The following NCAM1 variants were observed in gnomAD, a reference collection of about 807,000 sequenced individuals.
NCAM1 encodes neural cell adhesion molecule 1, also known as antigen recognized by monoclonal antibody 5.1H11.
NCAM1 carries 14 observed loss-of-function variants against 109.8 expected under a neutral mutation model. The observed-to-expected ratio is 0.13, with a 90% CI of 0.08 to 0.20. The LOEUF (loss-of-function observed/expected upper bound fraction) is 0.20. Ranked by LOEUF, NCAM1 falls within the 10% of genes least tolerant of loss-of-function variation. NCAM1 has a pLI of 1.00. For synonymous variants in NCAM1, 418 were observed against 442.9 expected (o/e 0.94, Z 0.70); for missense variants, 774 against 1,109.9 (o/e 0.70, Z 4.30).
intron 14 of NCAM1, chr11:113,243,814 C>G (rs1555119609): frequency 1.3e-5 from 3 of 238,628 alleles, no homozygotes; most frequent in Admixed American, 4.4e-5. Context: ...AACTCCAGCT[C>G]CCCGGGCCAA....
intron 1 of NCAM1, among the ~76,000 whole-genome samples, chr11:113,029,814 A>C (rs1555078040): frequency 1.3e-5 from 2 of 152,208 alleles, no homozygotes; most frequent in Admixed American, 1.3e-4. Context: ...AAAAAATTTA[A>C]ACTGAGCTGG....
intron 1 of NCAM1, among the ~76,000 whole-genome samples, chr11:112,986,379 G>T (rs1951304799): frequency 6.6e-6 from 1 of 151,812 alleles, no homozygotes. Flanking sequence ...TTCTTTTCTT[G>T]TAGTGTCCTT....
intron 14 of NCAM1, among the ~76,000 whole-genome samples, chr11:113,239,486 G>A: frequency 7.1e-6 from 1 of 141,018 alleles, no homozygotes; most frequent in Admixed American, 7.5e-5. Context: ...TAGAGATTAT[G>A]AATGAGTCTC....
Position 112,962,767 on chromosome 11 carries a change from C to T in NCAM1, c.52+1103C>T, listed in dbSNP as rs530994344. ...CCCTCCCCTCCAGCTGTCATCCCCC[C>T]ACCTCCACCCAAGGATTTGCGCTTT... is the stretch of plus-strand genomic sequence containing the variant. On this transcript the variant is annotated intron_variant, in intron 1 of 19. Coordinates refer to ENST00000316851, the MANE Select transcript of NCAM1 (RefSeq NM_181351.5). This position sits in a 1 kb window ranked among gnomAD's most constrained non-coding sequence, Gnocchi z 5.6. 2.0e-5 allele frequency among the ~76,000 whole-genome samples: 3 copies of T among 152,260 alleles called. No homozygotes were observed. Among genetic ancestry groups the T allele is most frequent in the African/African-American group, 7.2e-5 (3 of 41,552 alleles).
chr11:113,190,969 A>G (rs118074555), intron 1 of NCAM1, among the ~76,000 whole-genome samples: 4,847 of 152,338 alleles, frequency 0.032, 120 homozygotes, highest in Middle Eastern at 0.088. Flanking sequence ...CACACTCTGC[A>G]GGGAGTGGGG....
intron 1 of NCAM1, among the ~76,000 whole-genome samples, chr11:113,042,022 G>C (rs1953096878): frequency 6.6e-6 from 1 of 152,080 alleles, no homozygotes; most frequent in Admixed American, 6.5e-5. Context: ...TTCAGAAGCT[G>C]AACTTTGCCC....
intron 1 of NCAM1, among the ~76,000 whole-genome samples, chr11:113,191,773 G>A (rs199655744): frequency 6.8e-4 from 95 of 139,296 alleles, no homozygotes; most frequent in East Asian, 4.7e-3. Flanking sequence ...GTGTGTGTGT[G>A]TATATATATA....
At chr11:113,067,328 C>A (rs1169218259) in intron 1 of NCAM1, among the ~76,000 whole-genome samples, 1 of 152,158 alleles carries the variant, frequency 6.6e-6, no homozygotes, top group Non-Finnish European at 1.5e-5. Context: ...CAAGGTTTCA[C>A]TGGGGGAATG....
chr11:113,084,018 TACATC>T (rs1938969055), intron 1 of NCAM1, among the ~76,000 whole-genome samples: 1 of 152,118 alleles, frequency 6.6e-6, no homozygotes, highest in Non-Finnish European at 1.5e-5. Flanking sequence ...GTCAAGGAAA[TACATC>T]TTCCTAGGAA....
At chr11:113,252,799 C>CTTTT (rs33948720) in intron 15 of NCAM1, among the ~76,000 whole-genome samples, 2,684 of 39,718 alleles carry the variant, frequency 0.068, 745 homozygotes, top group Middle Eastern at 0.2. Context: ...CTATGCCCAG[C>CTTTT]TTTTTTTTTT....
chr11:113,237,949 G>T (rs369739689), intron 14 of NCAM1, among the ~76,000 whole-genome samples: 10 of 135,520 alleles, frequency 7.4e-5, no homozygotes, highest in South Asian at 2.2e-4. Flanking sequence ...TATATATATA[G>T]ATATATAGAT....
At chr11:113,009,811 A>G (rs979687834) in intron 1 of NCAM1, among the ~76,000 whole-genome samples, 1 of 152,156 alleles carries the variant, frequency 6.6e-6, no homozygotes, top group Non-Finnish European at 1.5e-5. Context: ...ATTCATGACA[A>G]TGCAGAAGGG....
chr11:113,215,490 A>G (rs945987869), intron 8 of NCAM1, among the ~76,000 whole-genome samples: 23 of 150,246 alleles, frequency 1.5e-4, no homozygotes, highest in African/African-American at 5.6e-4. Flanking sequence ...CTGCCTGCCT[A>G]AAGGAAATCT....
chr11:113,091,642 T>C (rs185112549), intron 1 of NCAM1, among the ~76,000 whole-genome samples: 1 of 152,288 alleles, frequency 6.6e-6, no homozygotes, highest in African/African-American at 2.4e-5. Flanking sequence ...GCATGACTCA[T>C]AAAGGAAGCA....
At chr11:113,127,095 C>T (rs58993351) in intron 1 of NCAM1, among the ~76,000 whole-genome samples, 2,801 of 152,290 alleles carry the variant, frequency 0.018, 61 homozygotes, top group East Asian at 0.068. Context: ...AACACATTGT[C>T]CCTGTTCTAC....
In NCAM1 at chr11:113,259,826, C is replaced by T. The variant is rs989433697; in HGVS notation, c.1954-320C>T. On this transcript the variant is annotated intron_variant, in intron 16 of 19. Coordinates refer to ENST00000316851, the MANE Select transcript of NCAM1 (RefSeq NM_181351.5). Reference sequence around the variant, plus strand: ...TCAAGCCATTCTCTTGCCTCAGCCTCCAGAGTAGCTGGGACTACAGGTGTG... The same window carrying T: ...TCAAGCCATTCTCTTGCCTCAGCCTTCAGAGTAGCTGGGACTACAGGTGTG... Among the ~76,000 whole-genome samples, 9 of 151,680 alleles carry T rather than the reference C, an allele frequency of 5.9e-5. No homozygotes were observed. The South Asian group carries it at 6.3e-4, about 11-fold the overall frequency.
intron 1 of NCAM1, among the ~76,000 whole-genome samples, chr11:113,116,896 A>T (rs1015050714): frequency 8.6e-5 from 13 of 151,930 alleles, no homozygotes; most frequent in Non-Finnish European, 1.6e-4. Context: ...GATTTCATAG[A>T]AAAATGTTTA....
rs1555126870 is a variant in NCAM1, at chr11:113,277,728, G to C, written c.*2341G>C. ...TCAGCCCTCAGATCACCTGGCCCGG[G>C]ACAGCTGACCCCCTAGAACCCTGGC... On this transcript the variant is annotated 3_prime_UTR_variant, in exon 20 of 20. Coordinates refer to ENST00000316851, the MANE Select transcript of NCAM1 (RefSeq NM_181351.5). 1 of 291,564 alleles carries C rather than the reference G, an allele frequency of 3.4e-6. No individual in the cohort carries two copies. The highest frequency in any genetic ancestry group is 6.3e-6 in the Non-Finnish European group (1 of 158,342). The allele number at this position is 291,564 out of a possible 1,614,324, so 18.1% of individuals were successfully genotyped here.
chr11:112,987,577 G>C (rs1310368576), intron 1 of NCAM1, among the ~76,000 whole-genome samples: 2 of 151,888 alleles, frequency 1.3e-5, no homozygotes, highest in African/African-American at 4.8e-5. Flanking sequence ...TCTGATGGTG[G>C]GTGCATATAT....
Sources: gnomAD v4.1 joint callset for allele counts (sites outside exome capture counted in the v4.1 genomes callset) on GRCh38, gnomAD v4.1.1 for gene constraint, Gnocchi (gnomAD v3.1) non-coding constraint, MANE v1.5 for transcripts, NCBI Gene and HGNC (gene_info 2026-07-23, HGNC 2026-07-21) for gene names.